The following DIS3L2 variants were observed in gnomAD, a reference collection of about 807,000 sequenced individuals.
DIS3L2 encodes the protein DIS3 like 3'-5' exoribonuclease 2, also known as DIS3-like exonuclease 2.
In DIS3L2, 34 loss-of-function variants were observed where a neutral mutation model predicts 97.5. That is an observed-to-expected ratio of 0.35 (90% CI 0.27 to 0.46). The LOEUF is 0.46. Among genes scored for constraint, DIS3L2 ranks in the 20% least tolerant of loss-of-function variants. The pLI is 1.00. For missense variants in DIS3L2, 1,038 were observed against 1,146.0 expected (o/e 0.91, Z 1.36); for synonymous variants, 435 against 445.2 (o/e 0.98, Z 0.29).
At chr2:232,182,465 A>G (rs532274774) in intron 9 of DIS3L2, among the ~76,000 whole-genome samples, 25 of 151,542 alleles carry the variant, frequency 1.6e-4, no homozygotes, top group Non-Finnish European at 3.1e-4. Flanking sequence ...TAAGCTTTCT[A>G]TTTTCTTGTT....
intron 12 of DIS3L2, 133 bp from the exon 13 acceptor site, chr2:232,263,074 C>G: frequency 1.1e-6 from 1 of 942,740 alleles, no homozygotes; most frequent in Non-Finnish European, 1.6e-6. Flanking sequence ...TAGCCTGAAC[C>G]TGCCACCATT....
chr2:232,066,538 A>G (rs1416888701), intron 5 of DIS3L2, among the ~76,000 whole-genome samples: 2 of 151,952 alleles, frequency 1.3e-5, no homozygotes, highest in Non-Finnish European at 2.9e-5. Flanking sequence ...TACTGGTATT[A>G]TTATGTCTTT....
intron 9 of DIS3L2, among the ~76,000 whole-genome samples, chr2:232,176,073 T>C (rs1181606013): frequency 4.6e-5 from 7 of 152,090 alleles, no homozygotes; most frequent in Admixed American, 4.6e-4. Context: ...ATATTCTTCA[T>C]AGAGACAGGG....
At chr2:232,210,219 C>T in intron 9 of DIS3L2, 107 bp from the exon 10 acceptor site, 1 of 841,866 alleles carries the variant, frequency 1.2e-6, no homozygotes, top group Non-Finnish European at 2.0e-6. Context: ...TTCACTTTCC[C>T]TAACAGAGCA....
At chr2:232,234,864 C>T (rs1287835329) in intron 10 of DIS3L2, among the ~76,000 whole-genome samples, 1 of 152,188 alleles carries the variant, frequency 6.6e-6, no homozygotes, top group Admixed American at 6.5e-5. Context: ...TGAGGAAGCA[C>T]TTCCCCTACC....
rs2106350151 is a variant in DIS3L2, at chr2:232,130,701, C to A, written c.684C>A (p.Ser228=). ...SQDTRALSEK[S]LQRSAKVVYI... is the part of the protein sequence containing the mutation. ...ACACAAGAGCTTTATCGGAGAAATC[C>A]CTGCAAAGATCAGCAAAGGTCATTG... Residue 228 remains serine, a synonymous_variant, in exon 7 of 21, where the codon TCC becomes TCA. Transcript: ENST00000325385. The A allele has an allele frequency of 3.7e-6, 6 of 1,613,672 alleles. No individual in the cohort carries two copies. Among genetic ancestry groups the A allele is most frequent in the Non-Finnish European group, 5.1e-6 (6 of 1,179,834 alleles).
chr2:232,300,704 G>A (rs1361456234), intron 14 of DIS3L2, among the ~76,000 whole-genome samples: 1 of 145,854 alleles, frequency 6.9e-6, no homozygotes, highest in Non-Finnish European at 1.5e-5. Flanking sequence ...ACCTGGGCTA[G>A]AGTGCAGTGA....
intron 9 of DIS3L2, among the ~76,000 whole-genome samples, chr2:232,202,832 G>T (rs1220226154): frequency 6.6e-6 from 1 of 152,202 alleles, no homozygotes; most frequent in African/African-American, 2.4e-5. Context: ...AGCATCTTTT[G>T]TGTGAGTAGA....
At chr2:232,038,494 G>C (rs1050547251) in intron 5 of DIS3L2, among the ~76,000 whole-genome samples, 1 of 152,176 alleles carries the variant, frequency 6.6e-6, no homozygotes. Context: ...TACAGAAGTG[G>C]ATGAGATTGC....
At chr2:232,031,546 A>T (rs1431319879) in intron 5 of DIS3L2, among the ~76,000 whole-genome samples, 2 of 150,528 alleles carry the variant, frequency 1.3e-5, no homozygotes, top group Non-Finnish European at 2.9e-5. Context: ...ACATGTGCCG[A>T]ATGAGCAGGT....
At chr2:232,329,785 T>TCCCCGGGGGGGGG in intron 14 of DIS3L2, 28 bp from the exon 15 acceptor site, 44 of 967,110 alleles carry the variant, frequency 4.5e-5, no homozygotes, top group Non-Finnish European at 5.2e-5. Flanking sequence ...ACCCCAGCGG[T>TCCCCGGGGGGGGG]CCCTCCCATC....
At chr2:232,075,715 T>C (rs1231548616) in intron 5 of DIS3L2, among the ~76,000 whole-genome samples, 1 of 152,210 alleles carries the variant, frequency 6.6e-6, no homozygotes, top group African/African-American at 2.4e-5. Context: ...GTTTCTATTG[T>C]CTGAGTTCAG....
chr2:232,006,230 T>C (rs1167253470), intron 1 of DIS3L2, among the ~76,000 whole-genome samples: 1 of 152,134 alleles, frequency 6.6e-6, no homozygotes, highest in African/African-American at 2.4e-5. Context: ...TTATAAAATA[T>C]CTTCTATGTT....
rs1304177729 is a variant in DIS3L2 at position 232,292,735 on chromosome 2, C to T, written c.1660-7305C>T. The stretch of plus-strand genomic sequence containing the variant: ...AGGAGAAGGCTCTCCCATTTTCTGC[C>T]CTGGGGAGACTGCCCTTTCCTTGTT... On this transcript the variant is annotated intron_variant, in intron 13 of 20. Transcript: ENST00000325385. This position sits in a 1 kb window ranked among gnomAD's most constrained non-coding sequence, Gnocchi z 4.4. Among the ~76,000 whole-genome samples the T allele has an allele frequency of 6.6e-6, 1 of 152,224 alleles. No homozygotes were observed. The highest frequency in any genetic ancestry group is 2.4e-5 in the African/African-American group (1 of 41,460).
intron 9 of DIS3L2, among the ~76,000 whole-genome samples, chr2:232,169,348 A>G (rs1026970403): frequency 6.6e-6 from 1 of 152,146 alleles, no homozygotes; most frequent in Non-Finnish European, 1.5e-5. Flanking sequence ...TATGTCATAT[A>G]TATATATATA....
intron 14 of DIS3L2, among the ~76,000 whole-genome samples, chr2:232,305,632 T>C (rs1388685044): frequency 6.6e-6 from 1 of 152,168 alleles, no homozygotes; most frequent in East Asian, 1.9e-4. Context: ...ACGTGGTTCA[T>C]TTTCTCTTGC....
chr2:232,206,023 TG>T (rs1692018307), intron 9 of DIS3L2, among the ~76,000 whole-genome samples: 1 of 152,138 alleles, frequency 6.6e-6, no homozygotes, highest in African/African-American at 2.4e-5. Context: ...CAGTGTCCCT[TG>T]GGGTAGGCTT....
intron 6 of DIS3L2, among the ~76,000 whole-genome samples, chr2:232,116,001 G>A (rs1697695125): frequency 6.6e-6 from 1 of 151,900 alleles, no homozygotes; most frequent in Admixed American, 6.6e-5. Context: ...ACAAAACCCT[G>A]TTTCTACTAA....
chr2:232,322,483 G>A (rs1478492713), intron 14 of DIS3L2, among the ~76,000 whole-genome samples: 1 of 152,230 alleles, frequency 6.6e-6, no homozygotes, highest in East Asian at 1.9e-4. Context: ...CCCTCCCCAT[G>A]CACTGGGTGT....
Sources: allele counts gnomAD v4.1 joint callset (sites outside exome capture counted in the v4.1 genomes callset), GRCh38; gene constraint gnomAD v4.1.1; non-coding constraint Gnocchi (gnomAD v3.1); transcripts MANE v1.5; gene names NCBI Gene and HGNC (gene_info 2026-07-23, HGNC 2026-07-21).